Variants in RYR1 observed in about 807,000 individuals in gnomAD.
The protein encoded by RYR1 is central core disease of muscle.
In RYR1, 342 loss-of-function variants were observed where a neutral mutation model predicts 583.5. The observed-to-expected ratio is 0.59, with a 90% confidence interval of 0.54 to 0.64. The LOEUF is 0.64. Ranked by LOEUF, RYR1 falls within the 30% of genes least tolerant of loss-of-function variation. The probability of loss-of-function intolerance (pLI) is 0.00; values close to 1 mark genes in which losing one functional copy is unlikely to be tolerated. For missense variants in RYR1, 6,032 were observed against 6,917.2 expected, an observed-to-expected ratio of 0.87 and a Z score of 4.54; for synonymous variants, 2,791 against 2,822.5, an observed-to-expected ratio of 0.99 and a Z score of 0.35.
In RYR1 at chr19:38,444,009, T is replaced by C. The variant is rs959900636; in HGVS notation, c.425-140T>C. The C allele has an allele frequency of 1.8e-5, 15 of 837,942 alleles. No homozygotes were observed. In the East Asian group the frequency reaches 3.4e-4, roughly 19 times the overall value. The allele number at this position is 837,942 out of a possible 1,614,324, so 51.9% of individuals were successfully genotyped here. ...GAGTCTGAAGTCAGGAACGGGGAAC[T>C]GTTAGGCAGAGAGTTGGTGGCAGTG... On this transcript the variant is annotated intron_variant, in intron 5 of 105. Coordinates refer to ENST00000359596, the MANE Select transcript of RYR1 (RefSeq NM_000540.3). The surrounding 1 kb of genome is among the most constrained non-coding windows in gnomAD (Gnocchi z 5.1).
rs138978909 is a variant in RYR1, at chr19:38,485,655, G to A, written c.5000G>A (p.Arg1667His). 312 of 1,610,518 alleles carry A rather than the reference G, an allele frequency of 1.9e-4. No homozygotes were observed. The highest frequency in any genetic ancestry group is 2.4e-4 in the Non-Finnish European group (288 of 1,179,928). ...DLQRFHSHTLRLYRAVCALGN... is the reference protein window; with the variant it reads ...DLQRFHSHTLHLYRAVCALGN... ...CAGCGCTTCCACTCGCACACCCTGC[G>A]CCTCTACCGCGCTGTGTGCGCCCTG... The change falls in exon 34 of 106, where the codon CGC becomes CAC. Residue 1667 changes from arginine to histidine, a missense_variant. This residue lies in a region of RYR1 where 2,627 missense variants were observed against 2,961.3 expected (regional missense o/e 0.89). Transcript: ENST00000359596.
intron 87 of RYR1, among the ~76,000 whole-genome samples, chr19:38,546,097 ATCCC>A (rs1043461817): frequency 6.6e-6 from 1 of 152,066 alleles, no homozygotes; most frequent in African/African-American, 2.4e-5. Flanking sequence ...CTGGGCTCAC[ATCCC>A]TTCCTAGACC....
Position 38,469,080 on chromosome 19 carries a change from G to A in RYR1, c.3496G>A (p.Glu1166Lys), listed in dbSNP as rs1246115381. The A allele has an allele frequency of 2.5e-6, 4 of 1,614,000 alleles. No homozygotes were observed. Among genetic ancestry groups the A allele is most frequent in the African/African-American group, 1.3e-5 (1 of 74,906 alleles). Residue 1166 changes from glutamate to lysine, a missense_variant, in exon 26 of 106, where the codon GAG (glutamate) becomes AAG (lysine). Around this residue, in one of 11 missense-constraint regions of RYR1, gnomAD observed 2,627 missense variants for 2,961.3 expected, o/e 0.89. Coordinates refer to ENST00000359596, the MANE Select transcript of RYR1 (RefSeq NM_000540.3). The part of the protein sequence containing the change: ...ENTIIFTLNG[E>K]VLMSDSGSET... ...CACCATTATCTTCACCCTCAATGGCGAGGTCCTCATGTCTGACTCAGGCTC... is the reference window on the plus strand; with the variant it reads ...CACCATTATCTTCACCCTCAATGGCAAGGTCCTCATGTCTGACTCAGGCTC...
rs572386965 is a variant in RYR1 at position 38,510,883 on chromosome 19, C to G, written c.9122+102C>G. ...TGGGTGCTGGGTGTTGGGTACTGAC[C>G]GTCTCCTGCAAAGGCGATTGAAGGG... On this transcript the variant is annotated intron_variant, in intron 60 of 105. Coordinates refer to ENST00000359596, the MANE Select transcript of RYR1 (RefSeq NM_000540.3). The G allele has an allele frequency of 5.2e-6, 8 of 1,540,172 alleles. No homozygotes were observed. In the Admixed American group the frequency reaches 5.3e-5, roughly 10 times the overall value.
Position 38,584,926 on chromosome 19 carries a change from G to A in RYR1, c.14647-17G>A, listed in dbSNP as rs1974400115. 6.2e-7 allele frequency: 1 copy of A among 1,613,774 alleles called. No individual in the cohort carries two copies. ...AATGTCGAATGAATGAGTGACCAGT[G>A]TGCTCCCCTCCCTCAGTGTTACCTG... On this transcript the variant is annotated splice_polypyrimidine_tract_variant and intron_variant, in intron 101 of 105. Transcript: ENST00000359596.
At chr19:38,537,242 C>CGCCTGCCTCCTCTGT (rs1028049057) in intron 83 of RYR1, 1 of 226,056 alleles carries the variant, frequency 4.4e-6, no homozygotes, top group East Asian at 1.0e-4. Flanking sequence ...GCCTCCTCTG[C>CGCCTGCCTCCTCTGT]GCCTGCCTCC....
intron 16 of RYR1, among the ~76,000 whole-genome samples, chr19:38,456,821 C>T (rs567519975): frequency 5.3e-5 from 8 of 150,894 alleles, no homozygotes; most frequent in South Asian, 2.1e-4. Context: ...CCAAGGCGGG[C>T]GGATCACGAG....
intron 96 of RYR1, among the ~76,000 whole-genome samples, chr19:38,573,628 C>G (rs974277104): frequency 6.6e-6 from 1 of 151,230 alleles, no homozygotes; most frequent in Non-Finnish European, 1.5e-5. Context: ...TGCAGTGAGC[C>G]GAGATCGCAC....
At chr19:38,469,664 C>T (rs1968312659) in intron 27 of RYR1, 151 bp downstream of exon 27, 1 of 870,724 alleles carries the variant, frequency 1.1e-6, no homozygotes, top group African/African-American at 1.7e-5. Context: ...GGCTGTATGA[C>T]TCCGGGTGTA....
At chr19:38,574,232 C>T (rs1361239959) in intron 96 of RYR1, among the ~76,000 whole-genome samples, 1 of 147,176 alleles carries the variant, frequency 6.8e-6, no homozygotes, top group African/African-American at 2.5e-5. Context: ...TGCACTCCAG[C>T]CTGGGCAACA....
Position 38,561,076 on chromosome 19 carries a change from T to A in RYR1, c.12283-37T>A. On this transcript the variant is annotated intron_variant, in intron 89 of 105. Transcript: ENST00000359596. This position sits in a 1 kb window ranked among gnomAD's most constrained non-coding sequence, Gnocchi z 4.8. ...AAAAAAAGAGAGAGAATTGAGGCTC[T>A]CCAGGTCACCCCACTGACCTCCCTG... 15 of 1,459,762 alleles carry A rather than the reference T, an allele frequency of 1.0e-5. No homozygotes were observed. Among genetic ancestry groups the A allele is most frequent in the African/African-American group, 1.4e-5 (1 of 70,618 alleles). The allele number at this position is 1,459,762 out of a possible 1,614,324, so 90.4% of individuals were successfully genotyped here. A position where few individuals can be genotyped will look rare whatever the true frequency, so the allele number is the denominator to read the frequency against.
rs1035255534 is a variant in RYR1 at position 38,448,470 on chromosome 19, G to A, written c.916G>A (p.Ala306Thr). Reference protein sequence around the residue: ...QGLVVVDASKAHTKATSFCFR... With the variant: ...QGLVVVDASKTHTKATSFCFR... ...CCTGGTGGTGGTTGACGCCAGCAAG[G>A]CTCACACCAAGGCTACCTCCTTCTG... The change falls in exon 10 of 106, where the codon GCT becomes ACT. Residue 306 changes from alanine (A) to threonine (T), a missense_variant. By Grantham distance (58) the Ala-to-Thr change is moderately conservative. This residue lies in a region of RYR1 where 338 missense variants were observed against 441.6 expected (regional missense o/e 0.77). Coordinates refer to ENST00000359596, the MANE Select transcript of RYR1 (RefSeq NM_000540.3). The A allele has an allele frequency of 5.0e-6, 8 of 1,613,790 alleles. No individual in the cohort carries two copies. In the African/African-American group the frequency reaches 9.3e-5, roughly 19 times the overall value.
chr19:38,518,615 C>T lies in RYR1; in HGVS notation c.10019-599C>T, dbSNP rs570000011. ...CAGGTCAGAGGTTAAAGATTGGGGT[C>T]AGGGGTCATGCTAGTTAAGGGTGAG... is the stretch of plus-strand genomic sequence containing the variant. On this transcript the variant is annotated intron_variant, in intron 66 of 105. Coordinates refer to ENST00000359596, the MANE Select transcript of RYR1 (RefSeq NM_000540.3). Among the ~76,000 whole-genome samples, 73 of 151,302 alleles carry T rather than the reference C, an allele frequency of 4.8e-4. 1 individual carries two copies. The highest frequency in any genetic ancestry group is 1.3e-3 in the Admixed American group (19 of 15,130).
At chr19:38,523,975 C>G (rs758681056) in intron 70 of RYR1, 46 bp downstream of exon 70, 1 of 1,611,144 alleles carries the variant, frequency 6.2e-7, no homozygotes, top group Non-Finnish European at 8.5e-7. Flanking sequence ...TGGCTAATGC[C>G]CTCTTCCCCC....
Position 38,444,001 on chromosome 19 carries a change from C to T in RYR1, c.425-148C>T, listed in dbSNP as rs541327311. On this transcript the variant is annotated intron_variant, in intron 5 of 105. Coordinates refer to ENST00000359596, the MANE Select transcript of RYR1 (RefSeq NM_000540.3). This position sits in a 1 kb window ranked among gnomAD's most constrained non-coding sequence, Gnocchi z 5.1. ...TAGGCAGAGAGTCTGAAGTCAGGAACGGGGAACTGTTAGGCAGAGAGTTGG... is the reference window on the plus strand; with the variant it reads ...TAGGCAGAGAGTCTGAAGTCAGGAATGGGGAACTGTTAGGCAGAGAGTTGG... 6.5e-4 allele frequency: 534 copies of T among 817,432 alleles called. 5 individuals carry two copies. In the Admixed American group the frequency reaches 9.4e-3, roughly 14 times the overall value. The allele number at this position is 817,432 out of a possible 1,614,324, so 50.6% of individuals were successfully genotyped here.
In RYR1 at chr19:38,561,297, A is replaced by G; in HGVS notation, c.12467A>G (p.Asp4156Gly). The change falls in exon 90 of 106, where the codon GAC (aspartate) becomes GGC (glycine). Residue 4156 changes from aspartate to glycine, a missense_variant. Asp to Gly is a moderately conservative substitution (Grantham distance 94). This residue lies in a region of RYR1 where 753 missense variants were observed against 759.6 expected (regional missense o/e 0.99). Transcript: ENST00000359596. This position sits in a 1 kb window ranked among gnomAD's most constrained non-coding sequence, Gnocchi z 4.8. ...LTNLSEHVPH[D>G]PRLHNFLELA... ...AACCTGTCGGAGCATGTGCCGCATG[A>G]CCCTCGCCTGCACAACTTCCTGGAG... 1 of 1,613,894 alleles carries G rather than the reference A, an allele frequency of 6.2e-7. No individual in the cohort carries two copies. The highest frequency in any genetic ancestry group is 8.5e-7 in the Non-Finnish European group (1 of 1,180,000).
chr19:38,485,489 A>G, intron 33 of RYR1, 101 bp from the exon 34 acceptor site: 1 of 1,481,778 alleles, frequency 6.7e-7, no homozygotes, highest in Non-Finnish European at 9.3e-7. Flanking sequence ...GAATGAATAA[A>G]TGGGTGGATA....
intron 7 of RYR1, among the ~76,000 whole-genome samples, chr19:38,445,222 C>CAAAAA (rs61419525): frequency 6.2e-5 from 3 of 48,172 alleles, no homozygotes; most frequent in African/African-American, 9.3e-5. Context: ...GACTCTGCCT[C>CAAAAA]AAAAAAAAAA....
In RYR1 at chr19:38,512,743, C is replaced by T. The variant is rs929298218; in HGVS notation, c.9472+260C>T. 6.6e-6 allele frequency among the ~76,000 whole-genome samples: 1 copy of T among 151,612 alleles called. No homozygotes were observed. The highest frequency in any genetic ancestry group is 2.4e-5 in the African/African-American group (1 of 41,242). Reference sequence around the variant, plus strand: ...CTTTGGGAGGCTGAGGCAGGAGGACCGCTTGAGCTCAGGAGTTCAAGACCA... The same window carrying T: ...CTTTGGGAGGCTGAGGCAGGAGGACTGCTTGAGCTCAGGAGTTCAAGACCA... On this transcript the variant is annotated intron_variant, in intron 63 of 105. Transcript: ENST00000359596. This position sits in a 1 kb window ranked among gnomAD's most constrained non-coding sequence, Gnocchi z 5.1.
Sources: gnomAD v4.1 joint callset for allele counts (sites outside exome capture counted in the v4.1 genomes callset) on GRCh38, gnomAD v4.1.1 for gene constraint, gnomAD v4.1.1 regional missense constraint, Gnocchi (gnomAD v3.1) non-coding constraint, MANE v1.5 for transcripts, NCBI Gene and HGNC (gene_info 2026-07-23, HGNC 2026-07-21) for gene names.